The following ADIPOR2 variants were observed in gnomAD, a reference collection of about 807,000 sequenced individuals.
The protein encoded by ADIPOR2 is adiponectin receptor 2.
In ADIPOR2, 18 loss-of-function variants were observed where a neutral mutation model predicts 40.9. That is an observed-to-expected ratio of 0.44 (90% confidence interval 0.30 to 0.65). The LOEUF is 0.65. Ranked by LOEUF, ADIPOR2 falls within the 30% of genes least tolerant of loss-of-function variation. The pLI is 0.09. For synonymous variants in ADIPOR2, 165 were observed against 166.4 expected (o/e 0.99, Z 0.06); for missense variants, 283 against 479.2 (o/e 0.59, Z 3.82).
chr12:1,693,833 C>T (rs1244636322), intron 1 of ADIPOR2, among the ~76,000 whole-genome samples: 1 of 152,048 alleles, frequency 6.6e-6, no homozygotes, highest in Non-Finnish European at 1.5e-5. Flanking sequence ...GTGCCCAGCC[C>T]TGTAATCTGC....
intron 2 of ADIPOR2, among the ~76,000 whole-genome samples, chr12:1,763,192 T>G (rs1185271719): frequency 2.6e-5 from 4 of 152,222 alleles, no homozygotes; most frequent in Non-Finnish European, 5.9e-5. Context: ...ACTTTAAAAT[T>G]GAAATCTCTG....
intron 1 of ADIPOR2, among the ~76,000 whole-genome samples, chr12:1,738,880 A>AT (rs1337507210): frequency 2.6e-5 from 4 of 152,218 alleles, no homozygotes; most frequent in Admixed American, 6.5e-5. Flanking sequence ...GAAAATGAGA[A>AT]TTAACAGGAG....
At chr12:1,708,682 G>A (rs1013399078) in intron 1 of ADIPOR2, among the ~76,000 whole-genome samples, 17 of 151,628 alleles carry the variant, frequency 1.1e-4, no homozygotes, top group African/African-American at 4.1e-4. Context: ...GTCCATAAAT[G>A]AGTGGGTCTT....
At chr12:1,779,593 T>A (rs1477891265) in intron 4 of ADIPOR2, among the ~76,000 whole-genome samples, 1 of 152,210 alleles carries the variant, frequency 6.6e-6, no homozygotes, top group Non-Finnish European at 1.5e-5. Context: ...TTAGTGGTGA[T>A]GGTTGTACAA....
intron 1 of ADIPOR2, among the ~76,000 whole-genome samples, chr12:1,734,317 A>G (rs935679880): frequency 6.6e-6 from 1 of 152,104 alleles, no homozygotes; most frequent in Non-Finnish European, 1.5e-5. Context: ...CTGGTGTGAG[A>G]TGGTATCTCA....
intron 1 of ADIPOR2, among the ~76,000 whole-genome samples, chr12:1,742,511 C>T (rs1035714883): frequency 2.6e-5 from 4 of 152,182 alleles, no homozygotes; most frequent in Non-Finnish European, 2.9e-5. Flanking sequence ...CACAGTAATT[C>T]TAAGTTCTGA....
intron 2 of ADIPOR2, among the ~76,000 whole-genome samples, chr12:1,763,490 G>A (rs1862311481): frequency 6.6e-6 from 1 of 152,172 alleles, no homozygotes; most frequent in Non-Finnish European, 1.5e-5. Context: ...CTTAATAAAT[G>A]TTAGATGTAG....
chr12:1,718,706 T>C (rs2094692288), intron 1 of ADIPOR2, among the ~76,000 whole-genome samples: 2 of 152,188 alleles, frequency 1.3e-5, no homozygotes, highest in East Asian at 1.9e-4. Flanking sequence ...AAGATTCTCA[T>C]TGGTATCTTT....
At chr12:1,718,482 A>G (rs2154442023) in intron 1 of ADIPOR2, among the ~76,000 whole-genome samples, 1 of 152,304 alleles carries the variant, frequency 6.6e-6, no homozygotes, top group East Asian at 1.9e-4. Flanking sequence ...AGGACTTCAA[A>G]AAATTTTTGT....
chr12:1,713,232 C>T (rs899542279), intron 1 of ADIPOR2, among the ~76,000 whole-genome samples: 14 of 152,198 alleles, frequency 9.2e-5, no homozygotes, highest in South Asian at 4.1e-4. Flanking sequence ...GAACTGTGAA[C>T]GATTCTGCTT....
At chr12:1,749,832 G>GTTTT (rs57852014) in intron 1 of ADIPOR2, among the ~76,000 whole-genome samples, 4 of 119,238 alleles carry the variant, frequency 3.4e-5, no homozygotes, top group Non-Finnish European at 5.1e-5. Flanking sequence ...TATTTGTTTA[G>GTTTT]TTTTTTTTTT....
chr12:1,707,251 C>A (rs903399308), intron 1 of ADIPOR2, among the ~76,000 whole-genome samples: 1 of 152,014 alleles, frequency 6.6e-6, no homozygotes, highest in Non-Finnish European at 1.5e-5. Context: ...TTTTTGTGGA[C>A]TTAAGTTTTT....
chr12:1,747,544 G>C (rs2094758365), intron 1 of ADIPOR2, among the ~76,000 whole-genome samples: 1 of 152,114 alleles, frequency 6.6e-6, no homozygotes, highest in Admixed American at 6.6e-5. Flanking sequence ...ACGTGGATTT[G>C]AATTGCTGTT....
chr12:1,699,085 T>C (rs940926463), intron 1 of ADIPOR2, among the ~76,000 whole-genome samples: 2 of 152,144 alleles, frequency 1.3e-5, no homozygotes, highest in African/African-American at 4.8e-5. Flanking sequence ...GGTTTTGTTA[T>C]CACTGATCAA....
intron 1 of ADIPOR2, among the ~76,000 whole-genome samples, chr12:1,715,825 G>A (rs2094686410): frequency 6.6e-6 from 1 of 152,172 alleles, no homozygotes; most frequent in South Asian, 2.1e-4. Context: ...TCTGTGGCTA[G>A]CTAGAGGTTT....
chr12:1,773,409 A>G (rs1425905334), intron 3 of ADIPOR2, among the ~76,000 whole-genome samples: 1 of 152,066 alleles, frequency 6.6e-6, no homozygotes, highest in African/African-American at 2.4e-5. Flanking sequence ...GAGATTTTCC[A>G]GTTTCCATGT....
chr12:1,744,939 T>C (rs2094751720), intron 1 of ADIPOR2, among the ~76,000 whole-genome samples: 1 of 152,328 alleles, frequency 6.6e-6, no homozygotes, highest in African/African-American at 2.4e-5. Context: ...GTATGTGCAG[T>C]CTTTTTTTTG....
intron 5 of ADIPOR2, 86 bp from the exon 6 acceptor site, chr12:1,780,803 T>C: frequency 7.1e-6 from 10 of 1,403,502 alleles, no homozygotes; most frequent in Non-Finnish European, 9.5e-6. Context: ...CGTTGATGGC[T>C]TATGTCATGA....
intron 2 of ADIPOR2, among the ~76,000 whole-genome samples, chr12:1,770,548 T>C (rs1862476216): frequency 1.3e-5 from 2 of 152,194 alleles, no homozygotes; most frequent in Non-Finnish European, 2.9e-5. Flanking sequence ...TTTAATGGAA[T>C]TTTGTCATTT....
Sources: allele counts gnomAD v4.1 joint callset (sites outside exome capture counted in the v4.1 genomes callset), GRCh38; gene constraint gnomAD v4.1.1; transcripts MANE v1.5; gene names NCBI Gene and HGNC (gene_info 2026-07-23, HGNC 2026-07-21).